NMNAT3: variants seen among roughly 807,000 people sequenced by gnomAD.
The protein encoded by NMNAT3 is nicotinamide/nicotinic acid mononucleotide adenylyltransferase 3.
NMNAT3 carries 21 observed loss-of-function variants against 24.8 expected under a neutral mutation model. That is an observed-to-expected ratio of 0.85 (90% CI 0.60 to 1.22). The LOEUF (loss-of-function observed/expected upper bound fraction) is 1.22. Ranked by LOEUF, NMNAT3 falls within the 50% of genes most tolerant of loss-of-function variation. The pLI, the probability that NMNAT3 is intolerant of heterozygous loss-of-function variation, is 0.00. For missense variants in NMNAT3, 387 were observed against 436.6 expected, an observed-to-expected ratio of 0.89 and a Z score of 1.01; for synonymous variants, 136 against 155.2, an observed-to-expected ratio of 0.88 and a Z score of 0.92.
chr3:139,671,997 T>A (rs142998152), intron 1 of NMNAT3, among the ~76,000 whole-genome samples: 4 of 152,350 alleles, frequency 2.6e-5, no homozygotes, highest in African/African-American at 9.6e-5. Context: ...CATGTTTTCA[T>A]CATTCTTTTC....
At chr3:139,566,184 C>G (rs1937172934) in intron 6 of NMNAT3, 1 of 152,104 alleles carries the variant, frequency 6.6e-6, no homozygotes, top group Admixed American at 6.5e-5. Flanking sequence ...CTGTTCATAT[C>G]CTTTGCCCAC....
At chr3:139,618,070 G>A (rs909893279) in intron 3 of NMNAT3, among the ~76,000 whole-genome samples, 6 of 152,128 alleles carry the variant, frequency 3.9e-5, no homozygotes, top group African/African-American at 7.2e-5. Flanking sequence ...TGCATAGCAC[G>A]TGACACAAGG....
intron 3 of NMNAT3, among the ~76,000 whole-genome samples, chr3:139,624,318 T>A (rs2055945478): frequency 6.6e-6 from 1 of 152,084 alleles, no homozygotes; most frequent in Admixed American, 6.5e-5. Context: ...CCCATGAGTT[T>A]TTCAAAGTAT....
intron 1 of NMNAT3, among the ~76,000 whole-genome samples, chr3:139,654,747 G>T (rs1231061595): frequency 6.6e-6 from 1 of 152,222 alleles, no homozygotes; most frequent in African/African-American, 2.4e-5. Flanking sequence ...TCATAACTGT[G>T]CTTTTCAAAG....
chr3:139,586,905 C>A (rs1335148868), intron 3 of NMNAT3, among the ~76,000 whole-genome samples: 7 of 152,156 alleles, frequency 4.6e-5, no homozygotes, highest in Non-Finnish European at 1.0e-4. Context: ...TAGACAATGT[C>A]TGTGGTGACA....
rs578131579 is a variant in NMNAT3 at position 139,601,457 on chromosome 3, G to C, written c.110-18249C>G. ...CGTAAGACTCAAATGACTAATATAG[G>C]GATAGTTCAGGGGCAGATACACGGT... On this transcript the variant is annotated intron_variant, in intron 3 of 6. Transcript: ENST00000643695. Among the ~76,000 whole-genome samples, 4 of 152,236 alleles carry C rather than the reference G, an allele frequency of 2.6e-5. No individual in the cohort carries two copies. The South Asian group carries it at 8.3e-4, about 32-fold the overall frequency.
chr3:139,582,542 T>A (rs2053691856), intron 4 of NMNAT3, among the ~76,000 whole-genome samples: 1 of 143,938 alleles, frequency 6.9e-6, no homozygotes, highest in Non-Finnish European at 1.5e-5. Context: ...CTTGGGAGGC[T>A]GAGGTGGGTG....
rs530023972 is a variant in NMNAT3 at position 139,588,707 on chromosome 3, T to G, written c.110-5499A>C. On this transcript the variant is annotated intron_variant, in intron 3 of 6. Transcript: ENST00000643695. ...GAGTCCTTGGATCCACCCCAGCCTC[T>G]AATCGCCTACGTTATCCTCCCATTG... Among the ~76,000 whole-genome samples, 118 of 152,322 alleles carry G rather than the reference T, an allele frequency of 7.7e-4. 2 individuals carry two copies. The highest frequency in any genetic ancestry group is 2.6e-3 in the African/African-American group (107 of 41,588).
chr3:139,616,697 C>T (rs923499858), intron 3 of NMNAT3, among the ~76,000 whole-genome samples: 1 of 152,136 alleles, frequency 6.6e-6, no homozygotes, highest in African/African-American at 2.4e-5. Context: ...CTGTTTATTG[C>T]CATTGTCACC....
chr3:139,657,221 C>G (rs550108969), intron 1 of NMNAT3, among the ~76,000 whole-genome samples: 1 of 152,204 alleles, frequency 6.6e-6, no homozygotes, highest in African/African-American at 2.4e-5. Context: ...TGAGCCCATT[C>G]GGTCCCTCCA....
intron 1 of NMNAT3, among the ~76,000 whole-genome samples, chr3:139,676,071 T>C (rs2057919263): frequency 6.6e-6 from 1 of 152,204 alleles, no homozygotes; most frequent in African/African-American, 2.4e-5. Flanking sequence ...AAAGAGAGGC[T>C]GCACAATGGC....
intron 6 of NMNAT3, chr3:139,569,101 C>T (rs1191316629): frequency 1.3e-5 from 2 of 152,130 alleles, no homozygotes; most frequent in Non-Finnish European, 1.5e-5. Flanking sequence ...ATGTAATGGC[C>T]TTCTTTGTCT....
chr3:139,562,370 G>T (rs115783372), intron 6 of NMNAT3, among the ~76,000 whole-genome samples: 1 of 152,262 alleles, frequency 6.6e-6, no homozygotes, highest in South Asian at 2.1e-4. Context: ...GGCACTATCC[G>T]TGTCCCTCTT....
At chr3:139,570,275 G>A (rs1188558660) in intron 6 of NMNAT3, 1 of 152,058 alleles carries the variant, frequency 6.6e-6, no homozygotes, top group Non-Finnish European at 1.5e-5. Context: ...TAACTTCTTT[G>A]CCATTGGTTC....
At chr3:139,617,065 GA>G (rs1196752432) in intron 3 of NMNAT3, among the ~76,000 whole-genome samples, 1 of 152,158 alleles carries the variant, frequency 6.6e-6, no homozygotes, top group African/African-American at 2.4e-5. Context: ...TTTAACTTAA[GA>G]AGTACCTCAT....
intron 3 of NMNAT3, among the ~76,000 whole-genome samples, chr3:139,586,537 G>A (rs902771333): frequency 6.6e-6 from 1 of 152,130 alleles, no homozygotes; most frequent in African/African-American, 2.4e-5. Context: ...CCTGAGGGCT[G>A]AGGTACCCCC....
At chr3:139,604,967 T>C (rs557188863) in intron 3 of NMNAT3, among the ~76,000 whole-genome samples, 2 of 152,292 alleles carry the variant, frequency 1.3e-5, no homozygotes, top group African/African-American at 4.8e-5. Context: ...TTCATGCCAG[T>C]AAGTATGCAA....
At chr3:139,661,326 T>A (rs1253987454) in intron 1 of NMNAT3, among the ~76,000 whole-genome samples, 1 of 152,156 alleles carries the variant, frequency 6.6e-6, no homozygotes, top group African/African-American at 2.4e-5. Context: ...TACATCCTTG[T>A]ACTCAGTGAC....
chr3:139,656,699 G>A (rs1266003459), intron 1 of NMNAT3, among the ~76,000 whole-genome samples: 2 of 152,148 alleles, frequency 1.3e-5, no homozygotes, highest in Non-Finnish European at 2.9e-5. Context: ...GGCTGAAATG[G>A]GAGGATCTCT....
Sources: allele counts gnomAD v4.1 joint callset (sites outside exome capture counted in the v4.1 genomes callset), GRCh38; gene constraint gnomAD v4.1.1; transcripts MANE v1.5; gene names NCBI Gene and HGNC (gene_info 2026-07-23, HGNC 2026-07-21).